MMS19: variants seen among roughly 807,000 people sequenced by gnomAD.
MMS19 encodes the protein MMS19 nucleotide excision repair protein homolog.
Under a neutral mutation model 129.8 loss-of-function variants are expected in MMS19, and 77 were observed. That is an observed-to-expected ratio of 0.59 (90% confidence interval 0.49 to 0.72). The LOEUF (loss-of-function observed/expected upper bound fraction) is 0.72. Among genes scored for constraint, MMS19 ranks in the 30% least tolerant of loss-of-function variants. The pLI, the probability that MMS19 is intolerant of heterozygous loss-of-function variation, is 0.00. For missense variants in MMS19, 1,168 were observed against 1,266.3 expected (o/e 0.92, Z 1.18); for synonymous variants, 491 against 502.8 (o/e 0.98, Z 0.31).
At chr10:97,481,192 G>C in intron 2 of MMS19, 150 bp from the exon 3 acceptor site, 1 of 649,696 alleles carries the variant, frequency 1.5e-6, no homozygotes, top group Non-Finnish European at 2.8e-6. Flanking sequence ...AGGTGTTCCT[G>C]AGGTAACGGC....
At chr10:97,462,917 C>T (rs2032405402) in intron 19 of MMS19, 2 of 434,566 alleles carry the variant, frequency 4.6e-6, no homozygotes, top group African/African-American at 2.0e-5. Context: ...TAGACTAGGC[C>T]AACAGTGGGA....
At chr10:97,469,972 T>C (rs1001082308) in intron 10 of MMS19, among the ~76,000 whole-genome samples, 157 bp downstream of exon 10, 2 of 152,186 alleles carry the variant, frequency 1.3e-5, no homozygotes, top group African/African-American at 4.8e-5. Flanking sequence ...CACGACGATA[T>C]GCAGCTGGGG....
chr10:97,498,191 C>G, intron 1 of MMS19, 82 bp downstream of exon 1: 3 of 1,328,080 alleles, frequency 2.3e-6, no homozygotes, highest in Non-Finnish European at 3.0e-6. Flanking sequence ...CCCCGCTCCT[C>G]CCTTCCCGCC....
rs2036087963 is a variant in MMS19 at position 97,478,046 on chromosome 10, A to T, written c.349-117T>A. ...AGAATCACAGCATCCTGGTTGAGGA[A>T]GAAGCACTAATAGTGAGACTCTTTC... On this transcript the variant is annotated intron_variant, in intron 4 of 30. Transcript: ENST00000438925. 4.3e-6 allele frequency: 3 copies of T among 704,128 alleles called. No homozygotes were observed. The African/African-American group carries it at 5.4e-5, about 13-fold the overall frequency. 43.6% of individuals were successfully genotyped at this position (704,128 alleles called of 1,614,324 possible).
chr10:97,460,098 G>T lies in MMS19; in HGVS notation c.2604C>A (p.Phe868Leu). 1 of 1,614,056 alleles carries T rather than the reference G, an allele frequency of 6.2e-7. No individual in the cohort carries two copies. The highest frequency in any genetic ancestry group is 8.5e-7 in the Non-Finnish European group (1 of 1,179,912). ...CCAAAGCAGGCACATTATCTGTGAAGAACCGCTGGCGGAACATGATCCGCA... is the reference window on the plus strand; with the variant it reads ...CCAAAGCAGGCACATTATCTGTGAATAACCGCTGGCGGAACATGATCCGCA... Reference protein sequence around the residue: ...AEVRIMFRQRFFTDNVPALVQ... With the variant: ...AEVRIMFRQRLFTDNVPALVQ... Residue 868 changes from phenylalanine (F) to leucine (L), a missense_variant, in exon 26 of 31, where the codon TTC (phenylalanine) becomes TTA (leucine). Phe to Leu is a conservative substitution (Grantham distance 22). Transcript: ENST00000438925.
Position 97,466,122 on chromosome 10 carries a change from C to T in MMS19, c.1543G>A (p.Ala515Thr), listed in dbSNP as rs112048245. The change falls in exon 17 of 31, where the codon GCT becomes ACT. Residue 515 changes from alanine to threonine, a missense_variant. Physicochemically the swap from Ala to Thr is moderately conservative, Grantham distance 58. Transcript: ENST00000438925. The stretch of plus-strand genomic sequence containing the variant: ...CTGCTGAAGGCCACAGGGTAGAGAG[C>T]AGCCAGGGTTCCTGATGCTTCCAGT... Reference protein sequence around the residue: ...AALEASGTLAALYPVAFSSHL... With the variant: ...AALEASGTLATLYPVAFSSHL... The T allele has an allele frequency of 1.3e-6, 2 of 1,591,168 alleles. No individual in the cohort carries two copies. The highest frequency in any genetic ancestry group is 8.6e-7 in the Non-Finnish European group (1 of 1,168,722).
rs1159316265 is a variant in MMS19 at position 97,492,686 on chromosome 10, T to TAA, written c.112+5585_112+5586dup. Among the ~76,000 whole-genome samples the TAA allele has an allele frequency of 6.1e-4, 81 of 133,576 alleles. 1 individual carries two copies. Among genetic ancestry groups the TAA allele is most frequent in the African/African-American group, 1.9e-3 (70 of 36,458 alleles). The allele number at this position is 133,576 out of a possible 152,430, so 87.6% of individuals were successfully genotyped here. ...CAACATGATGAAACCCTGTTTCTAC[T>TAA]AAAAAAAAAAAAAAATAGAAAAATT... On this transcript the variant is annotated intron_variant, in intron 1 of 30. Coordinates refer to ENST00000438925, the MANE Select transcript of MMS19 (RefSeq NM_022362.5).
In MMS19 at chr10:97,460,722, A is replaced by G. The variant is rs922345949; in HGVS notation, c.2442T>C (p.His814=). 4 of 1,599,458 alleles carry G rather than the reference A, an allele frequency of 2.5e-6. No homozygotes were observed. Among genetic ancestry groups the G allele is most frequent in the Non-Finnish European group, 3.4e-6 (4 of 1,172,610 alleles). Residue 814 remains histidine (H), a synonymous_variant, in exon 25 of 31, where the codon CAT becomes CAC. Transcript: ENST00000438925. ...GGGCTGTAAGGCAGGAGCTGAGAGG[A>G]TGGTATCTGAGCACTAGGGCCTTTG... ...WVTKALVLRY[H]PLSSCLTARL...
chr10:97,492,883 T>C (rs2039166134), intron 1 of MMS19, among the ~76,000 whole-genome samples: 2 of 144,536 alleles, frequency 1.4e-5, no homozygotes, highest in African/African-American at 5.1e-5. Flanking sequence ...AAAAAAGCCA[T>C]ATGTTCGTTT....
At chr10:97,471,710 C>T (rs139011603) in intron 8 of MMS19, among the ~76,000 whole-genome samples, 7 of 152,222 alleles carry the variant, frequency 4.6e-5, no homozygotes, top group African/African-American at 1.4e-4. Flanking sequence ...GGGGTTTCAT[C>T]ATGTTGGCCA....
At chr10:97,490,926 G>A (rs1564705477) in intron 1 of MMS19, among the ~76,000 whole-genome samples, 1 of 152,312 alleles carries the variant, frequency 6.6e-6, no homozygotes, top group East Asian at 1.9e-4. Flanking sequence ...AAGGGTGGGG[G>A]AAGGGGTAGC....
upstream of MMS19, chr10:97,498,444 G>T: frequency 1.3e-6 from 2 of 1,539,716 alleles, no homozygotes; most frequent in Non-Finnish European, 1.7e-6. Context: ...GGCTCTCCGC[G>T]CATGCGCCTC....
At chr10:97,478,434 G>A (rs1226728865) in intron 3 of MMS19, 45 bp from the exon 4 acceptor site, 16 of 1,394,474 alleles carry the variant, frequency 1.1e-5, no homozygotes, top group Non-Finnish European at 1.6e-5. Context: ...GGCACGAGAA[G>A]GGCCCAAGAG....
Position 97,480,841 on chromosome 10 carries a change from A to G in MMS19, c.262+101T>C. The G allele has an allele frequency of 3.9e-6, 3 of 760,842 alleles. No homozygotes were observed. In the South Asian group the frequency reaches 4.4e-5, roughly 11 times the overall value. The allele number at this position is 760,842 out of a possible 1,614,324, so 47.1% of individuals were successfully genotyped here. A position where few individuals can be genotyped will look rare whatever the true frequency, so the allele number is the denominator to read the frequency against. On this transcript the variant is annotated intron_variant, in intron 3 of 30. Coordinates refer to ENST00000438925, the MANE Select transcript of MMS19 (RefSeq NM_022362.5). ...GACCTTGAATTAGTAGTTCATAGATACTTTAAGCCCTCCCTCCCTGCCTGT... is the reference window on the plus strand; with the variant it reads ...GACCTTGAATTAGTAGTTCATAGATGCTTTAAGCCCTCCCTCCCTGCCTGT...
chr10:97,463,829 A>G lies in MMS19; in HGVS notation c.1912+29T>C, dbSNP rs1193682909. The stretch of plus-strand genomic sequence containing the variant: ...ACACCAGCAGAGGGCAAAGTTCCCA[A>G]AGGCCAGGAAGGAGAGGTGGAAAGT... On this transcript the variant is annotated intron_variant, in intron 19 of 30. Transcript: ENST00000438925. The G allele has an allele frequency of 3.8e-6, 6 of 1,598,458 alleles. No homozygotes were observed. The Middle Eastern group carries it at 6.0e-4, about 161-fold the overall frequency.
chr10:97,458,629 A>G lies in MMS19; in HGVS notation c.*63T>C. ...CAGTGGTTTCCCTGCTTTGGGGAAGATGGCTCAACAGTTAGTAATCCCAGG... is the reference window on the plus strand; with the variant it reads ...CAGTGGTTTCCCTGCTTTGGGGAAGGTGGCTCAACAGTTAGTAATCCCAGG... On this transcript the variant is annotated 3_prime_UTR_variant, in exon 31 of 31. Transcript: ENST00000438925. 6.6e-7 allele frequency: 1 copy of G among 1,517,194 alleles called. No homozygotes were observed. Among genetic ancestry groups the G allele is most frequent in the Admixed American group, 2.1e-5 (1 of 47,634 alleles). The allele number at this position is 1,517,194 out of a possible 1,614,324, so 94.0% of individuals were successfully genotyped here. A position where few individuals can be genotyped will look rare whatever the true frequency, so the allele number is the denominator to read the frequency against.
chr10:97,462,054 G>C lies in MMS19; in HGVS notation c.2078C>G (p.Pro693Arg). The C allele has an allele frequency of 6.3e-7, 1 of 1,593,994 alleles. No homozygotes were observed. Among genetic ancestry groups the C allele is most frequent in the Non-Finnish European group, 8.5e-7 (1 of 1,170,168 alleles). The change falls in exon 21 of 31, where the codon CCT becomes CGT. Residue 693 changes from proline to arginine, a missense_variant. By Grantham distance (103) the Pro-to-Arg change is moderately radical. Transcript: ENST00000438925. ...GAATCTGCTCGGGAAGCTGTTTTCA[G>C]GCAGAAAGGACACGTTGCCATCCAA... ...LFLDGNVSFL[P>R]ENSFPSRFQP...
chr10:97,484,028 A>G, intron 2 of MMS19, 75 bp downstream of exon 2: 1 of 924,594 alleles, frequency 1.1e-6, no homozygotes, highest in South Asian at 1.5e-5. Context: ...CCAGGAAAGC[A>G]GCAATGCGCA....
At chr10:97,498,469 G>A (rs986007761), upstream of MMS19, 6 of 1,521,972 alleles carry the variant, frequency 3.9e-6, no homozygotes, top group East Asian at 9.9e-5. Flanking sequence ...GCCAATCTCC[G>A]GGGAAGCGCA....
Sources: gnomAD v4.1 joint callset for allele counts (sites outside exome capture counted in the v4.1 genomes callset) on GRCh38, gnomAD v4.1.1 for gene constraint, MANE v1.5 for transcripts, NCBI Gene and HGNC (gene_info 2026-07-23, HGNC 2026-07-21) for gene names.